Variants in RAI2 observed in about 807,000 individuals in gnomAD.
RAI2 encodes the protein retinoic acid-induced protein 2.
Under a neutral mutation model 15.3 loss-of-function variants are expected in RAI2, and 5 were observed. The ratio of observed to expected loss-of-function variants is 0.33; its 90% CI spans 0.17 to 0.69. The LOEUF (loss-of-function observed/expected upper bound fraction) is 0.69, where lower values mean the gene tolerates loss of function less well. Ranked by LOEUF, RAI2 falls within the 30% of genes least tolerant of loss-of-function variation. The pLI, the probability that RAI2 is intolerant of heterozygous loss-of-function variation, is 0.69. For synonymous variants in RAI2, 191 were observed against 184.0 expected, an observed-to-expected ratio of 1.04 and a Z score of -0.31; for missense variants, 424 against 424.7, an observed-to-expected ratio of 1.00 and a Z score of 0.01.
At chrX:17,806,439 G>A (rs977274482) in intron 1 of RAI2, among the ~76,000 whole-genome samples, 1 of 112,316 alleles carries the variant, frequency 8.9e-6, no homozygotes, top group African/African-American at 3.2e-5. Flanking sequence ...TGGGAGTGGA[G>A]GTCAGTAAAC....
At chrX:17,830,956 C>A (rs1342699613) in intron 1 of RAI2, among the ~76,000 whole-genome samples, 1 of 112,037 alleles carries the variant, frequency 8.9e-6, no homozygotes, top group Non-Finnish European at 1.9e-5. Context: ...TGTATCTGTG[C>A]TATTTCTAAC....
rs1301259273 is a variant in RAI2, at chrX:17,800,941, G to C, written c.1070C>G (p.Pro357Arg). Residue 357 changes from proline (P) to arginine (R), a missense_variant, in exon 2 of 2, where the codon CCT becomes CGT. By Grantham distance (103) the Pro-to-Arg change is moderately radical. Transcript: ENST00000451717. ...VAAHRKSEPP[P>R]ETLYDSGASV... Reference sequence around the variant, plus strand: ...TGCACCACTGTCATACAGTGTCTCAGGGGGAGGCTCGGATTTCCGGTGGGC... The same window carrying C: ...TGCACCACTGTCATACAGTGTCTCACGGGGAGGCTCGGATTTCCGGTGGGC... 3 of 1,209,020 alleles carry C rather than the reference G, an allele frequency of 2.5e-6. No individual in the cohort carries two copies. The Admixed American group carries it at 6.6e-5, about 26-fold the overall frequency.
At chrX:17,825,865 A>G (rs2067220523) in intron 1 of RAI2, among the ~76,000 whole-genome samples, 1 of 112,409 alleles carries the variant, frequency 8.9e-6, no homozygotes, top group Non-Finnish European at 1.9e-5. Flanking sequence ...TCTAAAACCA[A>G]AAGGCAAAGA....
intron 1 of RAI2, among the ~76,000 whole-genome samples, chrX:17,842,098 C>T (rs1344491933): frequency 8.9e-6 from 1 of 112,037 alleles, no homozygotes; most frequent in African/African-American, 3.2e-5. Context: ...CACTGCCACC[C>T]ACTGTACAGT....
chrX:17,841,468 G>GTACT (rs2067396631), intron 1 of RAI2, among the ~76,000 whole-genome samples: 1 of 112,357 alleles, frequency 8.9e-6, no homozygotes, highest in African/African-American at 3.2e-5. Flanking sequence ...TGCAGAACCA[G>GTACT]TACTTATATG....
intron 1 of RAI2, among the ~76,000 whole-genome samples, chrX:17,850,346 A>G (rs1422547146): frequency 8.9e-6 from 1 of 112,210 alleles, no homozygotes; most frequent in Non-Finnish European, 1.9e-5. Context: ...TCATGACAGC[A>G]GTGGGCATGG....
At chrX:17,819,073 C>T (rs1036630471) in intron 1 of RAI2, among the ~76,000 whole-genome samples, 1 of 112,093 alleles carries the variant, frequency 8.9e-6, no homozygotes, top group Non-Finnish European at 1.9e-5. Flanking sequence ...TCCCTAGTTC[C>T]CCGCTCTAGG....
At chrX:17,820,492 A>T (rs899087136) in intron 1 of RAI2, among the ~76,000 whole-genome samples, 1 of 111,851 alleles carries the variant, frequency 8.9e-6, no homozygotes, top group South Asian at 3.7e-4. Flanking sequence ...AGTTCCTTAA[A>T]GGCAAAGGCC....
rs528322202 is a variant in RAI2, at chrX:17,813,494, T to C, written c.-24-11460A>G. 5.4e-5 allele frequency among the ~76,000 whole-genome samples: 6 copies of C among 111,362 alleles called. No homozygotes were observed. The South Asian group carries it at 2.0e-3, about 36-fold the overall frequency. ...TCATGGGGAGGAACCTTCCTAGCTG[T>C]CTTGAAATCTCTCCATAGAGATAAG... On this transcript the variant is annotated intron_variant, in intron 1 of 1. Transcript: ENST00000451717.
At chrX:17,819,022 C>G (rs2067136341) in intron 1 of RAI2, among the ~76,000 whole-genome samples, 1 of 111,925 alleles carries the variant, frequency 8.9e-6, no homozygotes, top group Non-Finnish European at 1.9e-5. Flanking sequence ...CAGGGGCCCT[C>G]CTCTTCTCCA....
chrX:17,836,579 T>C (rs2067337453), intron 1 of RAI2, among the ~76,000 whole-genome samples: 3 of 111,718 alleles, frequency 2.7e-5, no homozygotes, highest in Non-Finnish European at 1.9e-5. Flanking sequence ...AAGTTGAACA[T>C]CGTTAAGTTG....
At chrX:17,828,006 A>G (rs2067245209) in intron 1 of RAI2, among the ~76,000 whole-genome samples, 1 of 110,659 alleles carries the variant, frequency 9.0e-6, no homozygotes, top group African/African-American at 3.3e-5. Flanking sequence ...TTGGCAATGT[A>G]TAGGGACATT....
intron 1 of RAI2, among the ~76,000 whole-genome samples, chrX:17,838,383 G>T (rs1208972189): frequency 8.9e-6 from 1 of 111,779 alleles, no homozygotes; most frequent in Non-Finnish European, 1.9e-5. Flanking sequence ...TAAGTTGAAA[G>T]AATAATAAAA....
chrX:17,822,134 A>G (rs1341683549), intron 1 of RAI2, among the ~76,000 whole-genome samples: 1 of 112,302 alleles, frequency 8.9e-6, no homozygotes, highest in Non-Finnish European at 1.9e-5. Context: ...TTATGATCAT[A>G]CAAGCACAAG....
At position 17,848,724 on chromosome X, in the gene RAI2, G is replaced by C. The variant is rs770100971; in HGVS notation, c.-25+12374C>G. Among the ~76,000 whole-genome samples, 3 of 111,538 alleles carry C rather than the reference G, an allele frequency of 2.7e-5. No homozygotes were observed. In the South Asian group the frequency reaches 1.1e-3, roughly 42 times the overall value. ...TAAGTGTAGGGGCATGGAGGGGTGG[G>C]GGAAAACCCAGCTTCATTATCTGTC... On this transcript the variant is annotated intron_variant, in intron 1 of 1. Coordinates refer to ENST00000451717, the MANE Select transcript of RAI2 (RefSeq NM_021785.6).
chrX:17,806,827 G>C (rs2066986465), intron 1 of RAI2, among the ~76,000 whole-genome samples: 2 of 111,019 alleles, frequency 1.8e-5, no homozygotes, highest in African/African-American at 6.6e-5. Flanking sequence ...AAGGTGAAGG[G>C]GAAGGAAGCA....
chrX:17,847,772 G>C (rs768214326), intron 1 of RAI2, among the ~76,000 whole-genome samples: 2 of 112,103 alleles, frequency 1.8e-5, no homozygotes, highest in Non-Finnish European at 3.8e-5. Context: ...GGGGAATGAA[G>C]AGCTTCCTGT....
At chrX:17,806,486 G>A (rs1405814169) in intron 1 of RAI2, among the ~76,000 whole-genome samples, 1 of 111,662 alleles carries the variant, frequency 9.0e-6, no homozygotes, top group African/African-American at 3.3e-5. Flanking sequence ...AGGCAACCTG[G>A]ATCTGCAAGT....
intron 1 of RAI2, among the ~76,000 whole-genome samples, chrX:17,845,013 C>T (rs1368516275): frequency 8.9e-6 from 1 of 112,306 alleles, no homozygotes; most frequent in East Asian, 2.8e-4. Flanking sequence ...AAGAATAAAC[C>T]ATGTCACCCT....
Sources: gnomAD v4.1 joint callset for allele counts (sites outside exome capture counted in the v4.1 genomes callset) on GRCh38, gnomAD v4.1.1 for gene constraint, MANE v1.5 for transcripts, NCBI Gene and HGNC (gene_info 2026-07-23, HGNC 2026-07-21) for gene names.